Variants in NEB observed in about 807,000 individuals in gnomAD.
The protein encoded by NEB is nebulin.
NEB carries 512 observed loss-of-function variants against 952.2 expected under a neutral mutation model. The ratio of observed to expected loss-of-function variants is 0.54; its 90% CI spans 0.50 to 0.58. The LOEUF is 0.58. Ranked by LOEUF, NEB falls within the 20% of genes least tolerant of loss-of-function variation. The pLI is 0.00. For missense variants in NEB, 8,428 were observed against 9,231.1 expected, an observed-to-expected ratio of 0.91 and a Z score of 3.56; for synonymous variants, 2,900 against 3,149.8, an observed-to-expected ratio of 0.92 and a Z score of 2.66.
chr2:151,525,352 C>T (rs1329286659), intron 150 of NEB, 79 bp from the exon 151 acceptor site: 8 of 1,016,346 alleles, frequency 7.9e-6, no homozygotes, highest in Non-Finnish European at 1.1e-5. Context: ...TGTGAAATCT[C>T]CAGGAAAATC....
Position 151,614,321 on chromosome 2 carries a change from C to T in NEB, c.11556G>A (p.Gln3852=). Reference sequence around the variant, plus strand: ...CCTTCCGAGCCTGAATGACGTCATTCTGATCAGGCAGGCAGGTCCATTCAT... The same window carrying T: ...CCTTCCGAGCCTGAATGACGTCATTTTGATCAGGCAGGCAGGTCCATTCAT... ...PLHEWTCLPD[Q]NDVIQARKAY... Residue 3852 remains glutamine, a synonymous_variant, in exon 77 of 182, where the codon CAG becomes CAA. Coordinates refer to ENST00000397345, the MANE Select transcript of NEB (RefSeq NM_001164508.2). The T allele has an allele frequency of 1.9e-6, 3 of 1,613,898 alleles. No individual in the cohort carries two copies. The highest frequency in any genetic ancestry group is 2.5e-6 in the Non-Finnish European group (3 of 1,179,814).
In NEB at chr2:151,528,181, C is replaced by T. The variant is rs182640047; in HGVS notation, c.21736-596G>A. On this transcript the variant is annotated intron_variant, in intron 146 of 181. Coordinates refer to ENST00000397345, the MANE Select transcript of NEB (RefSeq NM_001164508.2). ...CAGAGGGGCTTGCATGCTTCCTAGA[C>T]CCTTCAGGGCTGGAGAACTGGCTGC... Among the ~76,000 whole-genome samples the T allele has an allele frequency of 3.9e-5, 6 of 152,292 alleles. No homozygotes were observed. In the East Asian group the frequency reaches 1.2e-3, roughly 29 times the overall value.
chr2:151,710,200 T>C (rs2099740477), intron 11 of NEB, among the ~76,000 whole-genome samples: 1 of 152,238 alleles, frequency 6.6e-6, no homozygotes, highest in Non-Finnish European at 1.5e-5. Flanking sequence ...CTTACCATAA[T>C]GTGTTGTAAA....
Position 151,581,675 on chromosome 2 carries a change from T to C in NEB, c.16180-88A>G, listed in dbSNP as rs1050901614. 29 of 1,445,260 alleles carry C rather than the reference T, an allele frequency of 2.0e-5. 1 individual carries two copies. In the African/African-American group the frequency reaches 3.7e-4, roughly 19 times the overall value. 89.5% of individuals were successfully genotyped at this position (1,445,260 alleles called of 1,614,324 possible). ...AAATTATAAAGTCATAAAACATACT[T>C]GAATAAATGGATGATGAAAAAAATT... On this transcript the variant is annotated intron_variant, in intron 102 of 181. Transcript: ENST00000397345.
At chr2:151,553,361 T>C (rs747193550) in intron 127 of NEB, 37 bp downstream of exon 127, 2 of 1,476,296 alleles carry the variant, frequency 1.4e-6, no homozygotes, top group East Asian at 4.5e-5. Context: ...TATGGAGAAA[T>C]GGAAATATAC....
Position 151,625,591 on chromosome 2 carries a change from A to C in NEB, c.10395T>G (p.Ile3465Met), listed in dbSNP as rs756852049. Residue 3465 changes from isoleucine to methionine, a missense_variant, in exon 71 of 182, where the codon ATT (isoleucine) becomes ATG (methionine). By Grantham distance (10) the Ile-to-Met change is conservative (BLOSUM62 1). Coordinates refer to ENST00000397345, the MANE Select transcript of NEB (RefSeq NM_001164508.2). The part of the protein sequence containing the change: ...AWDKDKTQVH[I>M]MPDTPEIMLA... ...ACATGATTTCAGGTGTATCAGGCAT[A>C]ATATGGACTTGGGTCTTGTCTTTGT... 2 of 1,607,000 alleles carry C rather than the reference A, an allele frequency of 1.2e-6. No homozygotes were observed. The highest frequency in any genetic ancestry group is 2.2e-5 in the South Asian group (2 of 90,218).
chr2:151,711,173 C>T lies in NEB; in HGVS notation c.823-635G>A, dbSNP rs538919878. On this transcript the variant is annotated intron_variant, in intron 10 of 181. Coordinates refer to ENST00000397345, the MANE Select transcript of NEB (RefSeq NM_001164508.2). ...TAGCCTCAGAACCCAACACAAAATG[C>T]AGCACACAGAAGTTACATCATAAAT... Among the ~76,000 whole-genome samples, 8 of 152,252 alleles carry T rather than the reference C, an allele frequency of 5.3e-5. No individual in the cohort carries two copies. The South Asian group carries it at 1.7e-3, about 32-fold the overall frequency.
At chr2:151,671,786 A>G (rs189385160) in intron 37 of NEB, among the ~76,000 whole-genome samples, 43 of 152,338 alleles carry the variant, frequency 2.8e-4, no homozygotes, top group African/African-American at 1.0e-3. Context: ...GTGCCAATAA[A>G]TGTATAACAC....
At chr2:151,499,252 T>C (rs961178723) in intron 169 of NEB, 46 bp downstream of exon 169, 1 of 1,051,022 alleles carries the variant, frequency 9.5e-7, no homozygotes, top group African/African-American at 1.6e-5. Flanking sequence ...TTAATCTTTT[T>C]AAACATTTTT....
intron 9 of NEB, among the ~76,000 whole-genome samples, chr2:151,721,999 A>G (rs564153904): frequency 6.6e-6 from 1 of 152,228 alleles, no homozygotes; most frequent in Non-Finnish European, 1.5e-5. Context: ...GGTGATATGA[A>G]GAGGGTGGCG....
intron 161 of NEB, among the ~76,000 whole-genome samples, chr2:151,509,713 T>C (rs1174259996): frequency 6.6e-6 from 1 of 152,132 alleles, no homozygotes; most frequent in East Asian, 1.9e-4. Flanking sequence ...CTGCAACCTC[T>C]GACTCCCTGG....
At chr2:151,492,068 A>G in intron 178 of NEB, 30 bp downstream of exon 178, 1 of 1,606,706 alleles carries the variant, frequency 6.2e-7, no homozygotes, top group Non-Finnish European at 8.5e-7. Context: ...ACTTAAAGTT[A>G]ATCCCCTCCC....
Position 151,665,425 on chromosome 2 carries a change from ACTT to A in NEB, c.5143_5145del (p.Lys1715del), listed in dbSNP as rs1553492424. 3 of 1,613,588 alleles carry A rather than the reference ACTT, an allele frequency of 1.9e-6. No homozygotes were observed. Among genetic ancestry groups the A allele is most frequent in the Non-Finnish European group, 2.5e-6 (3 of 1,179,752 alleles). ...TTCAGCTTCTCGGGGTGCTGGCGAT[ACTT>A]CTTCTCACTAAGAATCTCTCCTGCT... On this transcript the variant is annotated inframe_deletion, in exon 42 of 182. Coordinates refer to ENST00000397345, the MANE Select transcript of NEB (RefSeq NM_001164508.2).
rs1361358076 is a variant in NEB at position 151,569,308 on chromosome 2, G to A, written c.17495C>T (p.Ser5832Phe). The A allele has an allele frequency of 1.9e-6, 3 of 1,613,776 alleles. No individual in the cohort carries two copies. The highest frequency in any genetic ancestry group is 2.2e-5 in the East Asian group (1 of 44,874). ...CGCGGCATGTTTGGCATGATTGACG[G>A]ACACGGAGTCATTTGGCATCCACCC... is the stretch of plus-strand genomic sequence containing the variant. ...GIGWMPNDSV[S>F]VNHAKHAADI... The change falls in exon 110 of 182, where the codon TCC becomes TTC. Residue 5832 changes from serine (S) to phenylalanine (F), a missense_variant. Ser to Phe is a radical substitution (Grantham distance 155). Transcript: ENST00000397345.
intron 78 of NEB, 42 bp downstream of exon 78, chr2:151,612,144 G>A: frequency 6.3e-7 from 1 of 1,580,946 alleles, no homozygotes. Flanking sequence ...CCAAATCTGT[G>A]GAAGGTATGA....
At chr2:151,518,258 T>G (rs2079384176) in intron 156 of NEB, 60 bp downstream of exon 156, 1 of 1,227,326 alleles carries the variant, frequency 8.1e-7, no homozygotes, top group Non-Finnish European at 1.2e-6. Context: ...TGAAATTTTT[T>G]TTCACATTGT....
rs1336121230 is a variant in NEB at position 151,620,954 on chromosome 2, C to A, written c.10525G>T (p.Val3509Leu). Residue 3509 changes from valine to leucine, a missense_variant, in exon 72 of 182, where the codon GTG becomes TTG. Val to Leu is a conservative substitution (Grantham distance 32). Around this residue, in one of 11 missense-constraint regions of NEB, gnomAD observed 1,772 missense variants for 1,960.3 expected, o/e 0.90. Transcript: ENST00000397345. ...YDLRSDAIPIVAAKASRDIAS... is the reference protein window; with the variant it reads ...YDLRSDAIPILAAKASRDIAS... ...ATATCCCGAGAGGCCTTGGCAGCCACAATGGGAATGGCATCACTTCTCAAG... is the reference window on the plus strand; with the variant it reads ...ATATCCCGAGAGGCCTTGGCAGCCAAAATGGGAATGGCATCACTTCTCAAG... 1 of 1,612,916 alleles carries A rather than the reference C, an allele frequency of 6.2e-7. No individual in the cohort carries two copies. Among genetic ancestry groups the A allele is most frequent in the Admixed American group, 1.7e-5 (1 of 59,910 alleles).
intron 4 of NEB, among the ~76,000 whole-genome samples, chr2:151,728,861 C>T (rs1048824274): frequency 1.3e-5 from 2 of 152,058 alleles, no homozygotes; most frequent in Non-Finnish European, 2.9e-5. Context: ...CACATCATTG[C>T]TAATAGGTTG....
chr2:151,502,598 T>TATC (rs1349909272), intron 167 of NEB, among the ~76,000 whole-genome samples, 195 bp downstream of exon 167: 4 of 152,090 alleles, frequency 2.6e-5, no homozygotes, highest in African/African-American at 9.7e-5. Context: ...AAGTGATAAA[T>TATC]ATCTATGTTT....
Sources: gnomAD v4.1 joint callset for allele counts (sites outside exome capture counted in the v4.1 genomes callset) on GRCh38, gnomAD v4.1.1 for gene constraint, gnomAD v4.1.1 regional missense constraint, MANE v1.5 for transcripts, NCBI Gene and HGNC (gene_info 2026-07-23, HGNC 2026-07-21) for gene names.